Variants in TRAK1 observed in about 807,000 individuals in gnomAD.
TRAK1 encodes trafficking kinesin protein 1.
TRAK1 carries 33 observed loss-of-function variants against 92.1 expected under a neutral mutation model. That is an observed-to-expected ratio of 0.36 (90% CI 0.27 to 0.48). TRAK1 has a LOEUF of 0.48. Among genes scored for constraint, TRAK1 ranks in the 20% least tolerant of loss-of-function variants. The probability of loss-of-function intolerance (pLI) is 0.99; values close to 1 mark genes in which losing one functional copy is unlikely to be tolerated. For synonymous variants in TRAK1, 521 were observed against 517.3 expected (o/e 1.01, Z -0.10); for missense variants, 1,123 against 1,257.9 (o/e 0.89, Z 1.62).
chr3:42,120,740 G>T (rs781710002), intron 1 of TRAK1, among the ~76,000 whole-genome samples: 1 of 152,064 alleles, frequency 6.6e-6, no homozygotes, highest in Non-Finnish European at 1.5e-5. Flanking sequence ...TACAGACGGG[G>T]TTTCAACAAG....
intron 13 of TRAK1, among the ~76,000 whole-genome samples, chr3:42,205,124 A>G (rs1708179891): frequency 6.6e-6 from 1 of 152,150 alleles, no homozygotes; most frequent in Non-Finnish European, 1.5e-5. Flanking sequence ...GTGAGGAGTA[A>G]ATGTGAAGTA....
intron 6 of TRAK1, among the ~76,000 whole-genome samples, chr3:42,189,647 T>C (rs576644269): frequency 6.6e-6 from 1 of 152,204 alleles, no homozygotes; most frequent in African/African-American, 2.4e-5. Flanking sequence ...TCTCCTGTCT[T>C]AGCCTCCTGA....
intron 11 of TRAK1, among the ~76,000 whole-genome samples, 200 bp downstream of exon 11, chr3:42,199,453 T>A (rs1707216411): frequency 6.6e-6 from 1 of 152,052 alleles, no homozygotes; most frequent in Non-Finnish European, 1.5e-5. Context: ...AGTGTTAATT[T>A]TTATTTATTT....
rs571919321 is a variant in TRAK1 at position 42,209,997 on chromosome 3, C to G, written c.1963+12C>G. The G allele has an allele frequency of 6.2e-7, 1 of 1,614,186 alleles. No homozygotes were observed. The highest frequency in any genetic ancestry group is 1.3e-5 in the African/African-American group (1 of 75,046). ...CCCAGAGACCTCAGGTGAGAGGTCC[C>G]AAGCACGTGTGACTGTCTCAGGCAG... On this transcript the variant is annotated intron_variant, in intron 14 of 15. Transcript: ENST00000327628.
intron 13 of TRAK1, among the ~76,000 whole-genome samples, chr3:42,206,206 TAGGCAGC>T (rs775521797): frequency 1.1e-4 from 17 of 152,206 alleles, no homozygotes; most frequent in Non-Finnish European, 4.4e-5. Flanking sequence ...CATGATGGTT[TAGGCAGC>T]AGCAGGGAGG....
intron 1 of TRAK1, among the ~76,000 whole-genome samples, chr3:42,041,607 T>C (rs1386467531): frequency 2.0e-5 from 3 of 151,964 alleles, no homozygotes; most frequent in Admixed American, 6.6e-5. Context: ...CTTTTTTTTT[T>C]TTTCTAATTG....
At chr3:42,196,965 C>T (rs145742623) in intron 10 of TRAK1, among the ~76,000 whole-genome samples, 3 of 137,512 alleles carry the variant, frequency 2.2e-5, no homozygotes, top group African/African-American at 8.1e-5. Flanking sequence ...TCCTCTCTCT[C>T]TCTCTCTCTC....
chr3:42,122,385 A>G (rs1185351196), intron 1 of TRAK1, among the ~76,000 whole-genome samples: 1 of 151,134 alleles, frequency 6.6e-6, no homozygotes, highest in Admixed American at 6.6e-5. Context: ...CCCCACCACC[A>G]AACAGCATTG....
intron 1 of TRAK1, among the ~76,000 whole-genome samples, chr3:42,048,856 TGCCTG>T (rs1299866926): frequency 6.6e-6 from 1 of 152,048 alleles, no homozygotes; most frequent in African/African-American, 2.4e-5. Flanking sequence ...TGAGCCACTG[TGCCTG>T]GCCTGCCTCT....
At chr3:42,165,053 A>G (rs750748478) in intron 2 of TRAK1, among the ~76,000 whole-genome samples, 2 of 152,162 alleles carry the variant, frequency 1.3e-5, no homozygotes, top group Admixed American at 6.5e-5. Context: ...TTCCAATCCT[A>G]TTACCCATTT....
At chr3:42,219,864 C>T (rs967799955) in intron 15 of TRAK1, among the ~76,000 whole-genome samples, 2 of 131,216 alleles carry the variant, frequency 1.5e-5, no homozygotes, top group South Asian at 2.5e-4. Flanking sequence ...GGCGTGATCT[C>T]GGCTCACTGC....
intron 2 of TRAK1, among the ~76,000 whole-genome samples, chr3:42,140,166 T>G (rs557963874): frequency 2.0e-5 from 3 of 152,250 alleles, no homozygotes; most frequent in Admixed American, 2.0e-4. Flanking sequence ...TTTGGATATG[T>G]TCTCTAAAAG....
intron 1 of TRAK1, among the ~76,000 whole-genome samples, chr3:42,109,029 T>C (rs1370095115): frequency 6.6e-6 from 1 of 152,112 alleles, no homozygotes; most frequent in African/African-American, 2.4e-5. Flanking sequence ...TGAGTGGTGG[T>C]TAGGATTTTG....
chr3:42,161,094 C>G (rs1279857676), intron 2 of TRAK1, among the ~76,000 whole-genome samples: 1 of 152,130 alleles, frequency 6.6e-6, no homozygotes, highest in Non-Finnish European at 1.5e-5. Flanking sequence ...TAGCCCAAGG[C>G]TGACATTGAA....
At chr3:42,034,090 C>T (rs1466332152) in intron 1 of TRAK1, among the ~76,000 whole-genome samples, 2 of 152,168 alleles carry the variant, frequency 1.3e-5, no homozygotes, top group African/African-American at 4.8e-5. Flanking sequence ...TCCTCCTATC[C>T]CTCTGCAGAC....
At chr3:42,210,225 C>A in intron 14 of TRAK1, 1 of 1,533,120 alleles carries the variant, frequency 6.5e-7, no homozygotes. Flanking sequence ...TAGTGGTTCT[C>A]TGTCTGTAGC....
chr3:42,093,048 T>A (rs965217231), intron 1 of TRAK1, among the ~76,000 whole-genome samples: 1 of 152,242 alleles, frequency 6.6e-6, no homozygotes, highest in Non-Finnish European at 1.5e-5. Flanking sequence ...TTGTGTTTTC[T>A]ATTGAAAATT....
At chr3:42,203,266 T>C (rs1002509796) in intron 13 of TRAK1, 2 of 1,013,832 alleles carry the variant, frequency 2.0e-6, no homozygotes, top group East Asian at 1.9e-4. Flanking sequence ...TTGAACTTCA[T>C]ATAGCAAGGT....
chr3:42,109,912 T>G (rs1205157051), intron 1 of TRAK1, among the ~76,000 whole-genome samples: 1 of 150,360 alleles, frequency 6.7e-6, no homozygotes, highest in Admixed American at 6.6e-5. Context: ...TGAGAACACT[T>G]GGACACAGGA....
Sources: gnomAD v4.1 joint callset for allele counts (sites outside exome capture counted in the v4.1 genomes callset) on GRCh38, gnomAD v4.1.1 for gene constraint, MANE v1.5 for transcripts, NCBI Gene and HGNC (gene_info 2026-07-23, HGNC 2026-07-21) for gene names.